The following HS3ST5 variants were observed in gnomAD, a reference collection of about 807,000 sequenced individuals.
The protein encoded by HS3ST5 is heparan sulfate glucosamine 3-O-sulfotransferase 5.
HS3ST5 carries 10 observed loss-of-function variants against 25.4 expected under a neutral mutation model. That is an observed-to-expected ratio of 0.39 (90% CI 0.24 to 0.67). The LOEUF is 0.67. Ranked by LOEUF, HS3ST5 falls within the 30% of genes least tolerant of loss-of-function variation. HS3ST5 has a pLI of 0.44. For synonymous variants in HS3ST5, 170 were observed against 162.4 expected, an observed-to-expected ratio of 1.05 and a Z score of -0.36; for missense variants, 324 against 420.7, an observed-to-expected ratio of 0.77 and a Z score of 2.01.
chr6:114,201,321 A>T (rs1781004838), intron 2 of HS3ST5, among the ~76,000 whole-genome samples: 2 of 152,132 alleles, frequency 1.3e-5, no homozygotes, highest in Admixed American at 1.3e-4. Context: ...TATCTTCTAA[A>T]CATGTCTAGA....
At chr6:114,197,311 A>G (rs1369633075) in intron 2 of HS3ST5, among the ~76,000 whole-genome samples, 1 of 151,986 alleles carries the variant, frequency 6.6e-6, no homozygotes, top group Non-Finnish European at 1.5e-5. Flanking sequence ...TAATAACTGC[A>G]CCTTAAAAAC....
At chr6:114,257,061 A>G (rs1772959893) in intron 1 of HS3ST5, among the ~76,000 whole-genome samples, 1 of 152,210 alleles carries the variant, frequency 6.6e-6, no homozygotes. Flanking sequence ...CATGAGACTT[A>G]TTCACTACCA....
At position 114,084,570 on chromosome 6, in the gene HS3ST5, C is replaced by A. The variant is rs118181236; in HGVS notation, c.-32-21693G>T. 4.8e-3 allele frequency: 3,646 copies of A among 765,076 alleles called. 13 individuals carry two copies. Among genetic ancestry groups the A allele is most frequent in the Non-Finnish European group, 7.0e-3 (2,956 of 420,032 alleles). The allele number at this position is 765,076 out of a possible 1,614,324, so 47.4% of individuals were successfully genotyped here. ...CTGAGTGAGCTCCCTCGTTGTTGCA[C>A]GGGATGGCAAAGTCCACATAGTGCA... On this transcript the variant is annotated intron_variant, in intron 3 of 4. Transcript: ENST00000312719.
chr6:114,197,488 AT>A (rs1293005853), intron 2 of HS3ST5, among the ~76,000 whole-genome samples: 1 of 151,982 alleles, frequency 6.6e-6, no homozygotes, highest in Non-Finnish European at 1.5e-5. Context: ...TTTAATTTCC[AT>A]TTTTATTTAG....
At chr6:114,318,004 G>A (rs1775812218) in intron 1 of HS3ST5, among the ~76,000 whole-genome samples, 1 of 152,082 alleles carries the variant, frequency 6.6e-6, no homozygotes, top group African/African-American at 2.4e-5. Flanking sequence ...TTCTCCACTT[G>A]AAAGTTGGAA....
chr6:114,329,190 T>G lies in HS3ST5; in HGVS notation c.-339+13005A>C, dbSNP rs9488370. Among the ~76,000 whole-genome samples the G allele has an allele frequency of 2.4e-3, 360 of 152,316 alleles. 3 individuals are homozygous for G. Among genetic ancestry groups the G allele is most frequent in the African/African-American group, 8.2e-3 (342 of 41,576 alleles). ...AAATTTGATTACACATAGAGGAGCA[T>G]CACTTTGAAGTGGGGAGTAGTAACC... On this transcript the variant is annotated intron_variant, in intron 1 of 4. Coordinates refer to ENST00000312719, the MANE Select transcript of HS3ST5 (RefSeq NM_153612.4).
At chr6:114,322,523 A>G (rs1776009292) in intron 1 of HS3ST5, among the ~76,000 whole-genome samples, 1 of 152,186 alleles carries the variant, frequency 6.6e-6, no homozygotes, top group African/African-American at 2.4e-5. Context: ...TATATATTCT[A>G]AATTAAAAAA....
chr6:114,181,751 C>T (rs569437751), intron 2 of HS3ST5, among the ~76,000 whole-genome samples: 9 of 152,160 alleles, frequency 5.9e-5, no homozygotes, highest in South Asian at 2.1e-4. Flanking sequence ...TTAGACATTA[C>T]TAAAATGTCA....
At chr6:114,175,669 A>G (rs942868047) in intron 2 of HS3ST5, among the ~76,000 whole-genome samples, 2 of 152,202 alleles carry the variant, frequency 1.3e-5, no homozygotes, top group African/African-American at 4.8e-5. Flanking sequence ...TTGCACAAAG[A>G]TAAATGGAAC....
In HS3ST5 at chr6:114,157,839, CCTTT is replaced by C. The variant is rs1778771344; in HGVS notation, c.-33+10508_-33+10511del. 2.0e-5 allele frequency among the ~76,000 whole-genome samples: 3 copies of C among 152,160 alleles called. No individual in the cohort carries two copies. In the South Asian group the frequency reaches 6.2e-4, roughly 31 times the overall value. Reference sequence around the variant, plus strand: ...GCTTGCTTTTTTAGCATTACCCCTTCCTTTCTGACACTTTTCCTTCTCCCCTCAC... The same window carrying C: ...GCTTGCTTTTTTAGCATTACCCCTTCCTGACACTTTTCCTTCTCCCCTCAC... On this transcript the variant is annotated intron_variant, in intron 3 of 4. Coordinates refer to ENST00000312719, the MANE Select transcript of HS3ST5 (RefSeq NM_153612.4).
chr6:114,221,917 C>G (rs1782059762), intron 2 of HS3ST5, among the ~76,000 whole-genome samples: 1 of 151,836 alleles, frequency 6.6e-6, no homozygotes, highest in Admixed American at 6.6e-5. Context: ...ATTTAATATT[C>G]TTCATTGTTT....
intron 1 of HS3ST5, among the ~76,000 whole-genome samples, chr6:114,291,808 G>T (rs184964589): frequency 6.6e-6 from 1 of 152,278 alleles, no homozygotes; most frequent in East Asian, 1.9e-4. Context: ...AAGCTCTAGG[G>T]CCTTGAATTT....
At chr6:114,134,214 G>C (rs1483020422) in intron 3 of HS3ST5, among the ~76,000 whole-genome samples, 2 of 152,202 alleles carry the variant, frequency 1.3e-5, no homozygotes, top group Non-Finnish European at 2.9e-5. Flanking sequence ...CAGGCACTAT[G>C]TGAGGGGCTC....
intron 3 of HS3ST5, among the ~76,000 whole-genome samples, chr6:114,132,907 T>G (rs1483593206): frequency 1.3e-5 from 2 of 152,214 alleles, no homozygotes; most frequent in African/African-American, 4.8e-5. Context: ...CTAATGTTAA[T>G]GTGTCTTACA....
At chr6:114,164,622 G>A (rs1201911508) in intron 3 of HS3ST5, among the ~76,000 whole-genome samples, 2 of 152,054 alleles carry the variant, frequency 1.3e-5, no homozygotes, top group Non-Finnish European at 1.5e-5. Context: ...CTAAAGTATT[G>A]GTTAAGTTGC....
At chr6:114,225,682 T>G (rs1244670396) in intron 2 of HS3ST5, among the ~76,000 whole-genome samples, 1 of 151,900 alleles carries the variant, frequency 6.6e-6, no homozygotes, top group African/African-American at 2.4e-5. Context: ...ATCTAAAGCC[T>G]GTTTGATAAT....
intron 2 of HS3ST5, among the ~76,000 whole-genome samples, chr6:114,185,262 G>A (rs1003243438): frequency 3.9e-5 from 6 of 152,166 alleles, no homozygotes; most frequent in Admixed American, 2.0e-4. Context: ...AATGCGTTGA[G>A]CTTTGGGGAA....
chr6:114,113,460 T>C (rs747337560), intron 3 of HS3ST5, among the ~76,000 whole-genome samples: 1 of 151,770 alleles, frequency 6.6e-6, no homozygotes, highest in Non-Finnish European at 1.5e-5. Flanking sequence ...AACAGGCTTG[T>C]TTCCACCCAG....
intron 2 of HS3ST5, among the ~76,000 whole-genome samples, chr6:114,209,007 A>G (rs1449555074): frequency 6.6e-6 from 1 of 152,182 alleles, no homozygotes; most frequent in Non-Finnish European, 1.5e-5. Flanking sequence ...ATAGGAATTA[A>G]ATCCACAAGG....
Sources: allele counts gnomAD v4.1 joint callset (sites outside exome capture counted in the v4.1 genomes callset), GRCh38; gene constraint gnomAD v4.1.1; transcripts MANE v1.5; gene names NCBI Gene and HGNC (gene_info 2026-07-23, HGNC 2026-07-21).